The following GALNT13 variants were observed in gnomAD, a reference collection of about 807,000 sequenced individuals.
GALNT13 encodes UDP-GalNAc:polypeptide N-acetylgalactosaminyltransferase 13.
In GALNT13, 28 loss-of-function variants were observed where a neutral mutation model predicts 64.2. That is an observed-to-expected ratio of 0.44 (90% CI 0.32 to 0.60). The LOEUF is 0.60. Among genes scored for constraint, GALNT13 ranks in the 20% least tolerant of loss-of-function variants. The probability of loss-of-function intolerance (pLI) is 0.05; values close to 1 mark genes in which losing one functional copy is unlikely to be tolerated. For synonymous variants in GALNT13, 214 were observed against 224.6 expected (o/e 0.95, Z 0.42); for missense variants, 577 against 669.8 (o/e 0.86, Z 1.53).
chr2:154,136,819 A>G (rs968932893), intron 3 of GALNT13, among the ~76,000 whole-genome samples: 1 of 152,174 alleles, frequency 6.6e-6, no homozygotes, highest in South Asian at 2.1e-4. Context: ...TTTGAAGTCT[A>G]CGCCAGCTTT....
At chr2:153,758,757 A>G in the GALNT13 span, among the ~76,000 whole-genome samples, 1 of 151,986 alleles carries the variant, frequency 6.6e-6, no homozygotes, top group Non-Finnish European at 1.5e-5. Context: ...GCACCCAGCT[A>G]ATTTTTTGTT....
Position 154,450,647 on chromosome 2 carries a change from A to C in GALNT13, c.*96A>C. ...TTAACTTTGCTGAATTGAAAGTTTT[A>C]AAAATCCTTTTAGTATTCTAAAACA... is the stretch of plus-strand genomic sequence containing the variant. On this transcript the variant is annotated 3_prime_UTR_variant, in exon 13 of 13. Transcript: ENST00000392825. The C allele has an allele frequency of 8.5e-7, 1 of 1,176,636 alleles. No homozygotes were observed. The highest frequency in any genetic ancestry group is 1.2e-6 in the Non-Finnish European group (1 of 861,386). The allele number at this position is 1,176,636 out of a possible 1,614,324, so 72.9% of individuals were successfully genotyped here.
intron 9 of GALNT13, among the ~76,000 whole-genome samples, chr2:154,375,896 C>A (rs1472862945): frequency 1.3e-5 from 2 of 152,132 alleles, no homozygotes; most frequent in Admixed American, 6.5e-5. Context: ...TGACAGATTT[C>A]CTTTTGTGCC....
the GALNT13 span, among the ~76,000 whole-genome samples, chr2:153,195,105 T>A: frequency 6.6e-6 from 1 of 152,024 alleles, no homozygotes; most frequent in African/African-American, 2.4e-5. Flanking sequence ...GATGAGTGGG[T>A]GTGTGAGTCC....
the GALNT13 span, among the ~76,000 whole-genome samples, chr2:153,847,484 A>G: frequency 6.6e-6 from 1 of 152,134 alleles, no homozygotes; most frequent in East Asian, 1.9e-4. Flanking sequence ...ATGTCTCAAC[A>G]AATTCTAAAA....
the GALNT13 span, among the ~76,000 whole-genome samples, chr2:153,142,142 C>T: frequency 1.3e-5 from 2 of 152,020 alleles, no homozygotes; most frequent in South Asian, 4.1e-4. Flanking sequence ...ACTGTACAGC[C>T]AGTTCATCAA....
At chr2:153,300,733 A>C in the GALNT13 span, among the ~76,000 whole-genome samples, 1 of 152,198 alleles carries the variant, frequency 6.6e-6, no homozygotes, top group African/African-American at 2.4e-5. Flanking sequence ...CTGAGAGATT[A>C]TGTACCATAA....
chr2:153,484,250 T>C, the GALNT13 span, among the ~76,000 whole-genome samples: 12 of 152,184 alleles, frequency 7.9e-5, no homozygotes, highest in Non-Finnish European at 1.6e-4. Context: ...TACAATTTTA[T>C]ACCTTGCTTT....
At chr2:153,217,775 A>G in the GALNT13 span, among the ~76,000 whole-genome samples, 3 of 152,262 alleles carry the variant, frequency 2.0e-5, no homozygotes, top group East Asian at 3.9e-4. Context: ...ATTTAGCTAG[A>G]TATATTTCCA....
chr2:153,727,739 T>A, the GALNT13 span, among the ~76,000 whole-genome samples: 1 of 152,102 alleles, frequency 6.6e-6, no homozygotes, highest in African/African-American at 2.4e-5. Flanking sequence ...CTTTTTTTTT[T>A]AACTTTTACT....
the GALNT13 span, among the ~76,000 whole-genome samples, chr2:153,377,969 A>T: frequency 6.6e-6 from 1 of 152,198 alleles, no homozygotes; most frequent in Non-Finnish European, 1.5e-5. Flanking sequence ...AGCAAAGGGT[A>T]TAATTTATTA....
intron 3 of GALNT13, among the ~76,000 whole-genome samples, chr2:154,029,215 A>G (rs1267975515): frequency 6.6e-6 from 1 of 150,510 alleles, no homozygotes; most frequent in Non-Finnish European, 1.5e-5. Context: ...GATCGTCTAC[A>G]GCCCTCTGAA....
At chr2:153,579,627 G>A in the GALNT13 span, among the ~76,000 whole-genome samples, 9 of 152,158 alleles carry the variant, frequency 5.9e-5, no homozygotes, top group East Asian at 1.9e-4. Flanking sequence ...TTACAGCAGC[G>A]GTCCCCAACC....
chr2:154,407,999 A>T (rs777320444), intron 10 of GALNT13, among the ~76,000 whole-genome samples: 1 of 152,150 alleles, frequency 6.6e-6, no homozygotes, highest in Admixed American at 6.6e-5. Context: ...CAGAGCATAG[A>T]TAAGTAAATA....
At chr2:154,038,693 A>G (rs1698805885) in intron 3 of GALNT13, among the ~76,000 whole-genome samples, 1 of 152,186 alleles carries the variant, frequency 6.6e-6, no homozygotes, top group African/African-American at 2.4e-5. Context: ...GCTTCAAGAC[A>G]TGAGTCCAGG....
the GALNT13 span, among the ~76,000 whole-genome samples, chr2:153,831,255 TC>T: frequency 0.013 from 1,986 of 152,236 alleles, 47 homozygotes; most frequent in Admixed American, 0.054. Flanking sequence ...TCCACTTATA[TC>T]TATTAATGTA....
chr2:154,031,728 T>A (rs1246155979), intron 3 of GALNT13, among the ~76,000 whole-genome samples: 1 of 151,928 alleles, frequency 6.6e-6, no homozygotes, highest in Non-Finnish European at 1.5e-5. Context: ...TTTAAATATA[T>A]ATGTACTTAA....
chr2:153,678,811 G>T, the GALNT13 span, among the ~76,000 whole-genome samples: 1 of 151,994 alleles, frequency 6.6e-6, no homozygotes, highest in Non-Finnish European at 1.5e-5. Flanking sequence ...CAAGTAAGTT[G>T]TCAAGGGACA....
At chr2:153,488,466 C>T in the GALNT13 span, among the ~76,000 whole-genome samples, 2 of 152,176 alleles carry the variant, frequency 1.3e-5, no homozygotes, top group Admixed American at 6.5e-5. Context: ...ATTTTTCAGG[C>T]TGCTGAGTGA....
Sources: gnomAD v4.1 joint callset for allele counts (sites outside exome capture counted in the v4.1 genomes callset) on GRCh38, gnomAD v4.1.1 for gene constraint, MANE v1.5 for transcripts, NCBI Gene and HGNC (gene_info 2026-07-23, HGNC 2026-07-21) for gene names.